TPCN1: variants seen among roughly 807,000 people sequenced by gnomAD.
TPCN1 encodes the protein two pore segment channel 1.
In TPCN1, 52 loss-of-function variants were observed where a neutral mutation model predicts 108.8. That is an observed-to-expected ratio of 0.48 (90% confidence interval 0.38 to 0.60). TPCN1 has a LOEUF of 0.60. Among genes scored for constraint, TPCN1 ranks in the 20% least tolerant of loss-of-function variants. The probability of loss-of-function intolerance (pLI) is 0.00; values close to 1 mark genes in which losing one functional copy is unlikely to be tolerated. For missense variants in TPCN1, 806 were observed against 1,072.8 expected (o/e 0.75, Z 3.47); for synonymous variants, 446 against 433.7 (o/e 1.03, Z -0.35).
chr12:113,254,193 CT>C (rs1954752445), intron 2 of TPCN1, among the ~76,000 whole-genome samples: 1 of 152,218 alleles, frequency 6.6e-6, no homozygotes, highest in Non-Finnish European at 1.5e-5. Context: ...GTAATAAAAA[CT>C]TTCCCAGAAA....
chr12:113,237,547 C>T (rs766389556), intron 2 of TPCN1, among the ~76,000 whole-genome samples: 7 of 152,018 alleles, frequency 4.6e-5, no homozygotes, highest in East Asian at 1.9e-4. Flanking sequence ...TTAGTAGAGA[C>T]GGGGTTTCAC....
chr12:113,277,505 G>A, intron 12 of TPCN1, 141 bp downstream of exon 12: 1 of 1,023,756 alleles, frequency 9.8e-7, no homozygotes, highest in Non-Finnish European at 1.4e-6. Flanking sequence ...TATCCATGTA[G>A]ACTTACACAC....
In TPCN1 at chr12:113,288,394, G is replaced by A. The variant is rs1350207709; in HGVS notation, c.1706+160G>A. 23 of 1,492,790 alleles carry A rather than the reference G, an allele frequency of 1.5e-5. No individual in the cohort carries two copies. The highest frequency in any genetic ancestry group is 2.0e-5 in the Non-Finnish European group (22 of 1,122,952). 92.5% of individuals were successfully genotyped at this position (1,492,790 alleles called of 1,614,324 possible). On this transcript the variant is annotated intron_variant, in intron 20 of 27. Coordinates refer to ENST00000335509, the MANE Select transcript of TPCN1 (RefSeq NM_017901.6). The surrounding 1 kb of genome is among the most constrained non-coding windows in gnomAD (Gnocchi z 4.8). ...GGAGCCTGGAATCTTGACCACCACAGGTCTCCTGGGCACCATTTTTCTCCA... is the reference window on the plus strand; with the variant it reads ...GGAGCCTGGAATCTTGACCACCACAAGTCTCCTGGGCACCATTTTTCTCCA...
chr12:113,240,035 C>T (rs1337527893), intron 2 of TPCN1, among the ~76,000 whole-genome samples: 1 of 152,020 alleles, frequency 6.6e-6, no homozygotes, highest in African/African-American at 2.4e-5. Context: ...CTCGAGGGGC[C>T]TCTCTTCTTG....
At chr12:113,285,766 G>A in intron 17 of TPCN1, 123 bp from the exon 18 acceptor site, 2 of 836,218 alleles carry the variant, frequency 2.4e-6, no homozygotes, top group Non-Finnish European at 4.1e-6. Flanking sequence ...TGAGGCCTGG[G>A]CTCAGCCTGG....
At chr12:113,265,335 C>T (rs746750436) in intron 3 of TPCN1, among the ~76,000 whole-genome samples, 2 of 152,136 alleles carry the variant, frequency 1.3e-5, no homozygotes, top group Non-Finnish European at 2.9e-5. Flanking sequence ...GTTCCTTTAT[C>T]GTTGAAGAAG....
chr12:113,262,968 T>C lies in TPCN1; in HGVS notation c.237+2476T>C, dbSNP rs567893122. Among the ~76,000 whole-genome samples, 10 of 152,338 alleles carry C rather than the reference T, an allele frequency of 6.6e-5. No homozygotes were observed. In the South Asian group the frequency reaches 2.1e-3, roughly 32 times the overall value. ...TTATGAACTGACCTTGTGCATCTCC[T>C]TGAAAATGGGCCATGTACTTGTGGG... On this transcript the variant is annotated intron_variant, in intron 3 of 27. Coordinates refer to ENST00000335509, the MANE Select transcript of TPCN1 (RefSeq NM_017901.6).
In TPCN1 at chr12:113,269,954, T is replaced by G; in HGVS notation, c.748+109T>G. 8.0e-7 allele frequency: 1 copy of G among 1,250,436 alleles called. No individual in the cohort carries two copies. The highest frequency in any genetic ancestry group is 1.3e-5 in the South Asian group (1 of 77,360). The allele number at this position is 1,250,436 out of a possible 1,614,324, so 77.5% of individuals were successfully genotyped here. A position where few individuals can be genotyped will look rare whatever the true frequency, so the allele number is the denominator to read the frequency against. ...GCTCACGCCTGTAATCCTAGCATTT[T>G]GGGAGGCCAAGGTGGGTGGGTAACC... is the stretch of plus-strand genomic sequence containing the variant. On this transcript the variant is annotated intron_variant, in intron 7 of 27. Transcript: ENST00000335509. The surrounding 1 kb of genome is among the most constrained non-coding windows in gnomAD (Gnocchi z 5.0).
At chr12:113,285,732 C>T (rs757869926) in intron 17 of TPCN1, among the ~76,000 whole-genome samples, 157 bp from the exon 18 acceptor site, 35 of 152,218 alleles carry the variant, frequency 2.3e-4, no homozygotes, top group Non-Finnish European at 4.7e-4. Context: ...TCCTGGAGCA[C>T]CTGCTCTCAC....
At position 113,285,962 on chromosome 12, in the gene TPCN1, G is replaced by A; in HGVS notation, c.1526+1G>A. ...AGTACTTGTCTTCCGGATGGAACTT[G>A]TGAGTGGACAGCATGTTTCTGACCC... is the stretch of plus-strand genomic sequence containing the variant. On this transcript the variant is annotated splice_donor_variant, in intron 18 of 27. Coordinates refer to ENST00000335509, the MANE Select transcript of TPCN1 (RefSeq NM_017901.6). LOFTEE classifies it high-confidence loss of function. 2 of 1,613,904 alleles carry A rather than the reference G, an allele frequency of 1.2e-6. No individual in the cohort carries two copies. Among genetic ancestry groups the A allele is most frequent in the Non-Finnish European group, 1.7e-6 (2 of 1,179,742 alleles).
In TPCN1 at chr12:113,271,684, G is replaced by A. The variant is rs545605012; in HGVS notation, c.749-974G>A. On this transcript the variant is annotated intron_variant, in intron 7 of 27. Coordinates refer to ENST00000335509, the MANE Select transcript of TPCN1 (RefSeq NM_017901.6). ...TTGTTTATCTGCTCTTCTGTCGGAC[G>A]TTTTTCTTATCACAAATCCCACCGC... Among the ~76,000 whole-genome samples, 32 of 152,174 alleles carry A rather than the reference G, an allele frequency of 2.1e-4. 1 individual carries two copies. Among genetic ancestry groups the A allele is most frequent in the Non-Finnish European group, 3.8e-4 (26 of 68,040 alleles).
chr12:113,231,833 T>C lies in TPCN1; in HGVS notation c.112+4869T>C, dbSNP rs1953696420. 2.6e-5 allele frequency among the ~76,000 whole-genome samples: 4 copies of C among 152,266 alleles called. No homozygotes were observed. The highest frequency in any genetic ancestry group is 9.6e-5 in the African/African-American group (4 of 41,546). On this transcript the variant is annotated intron_variant, in intron 2 of 27. Coordinates refer to ENST00000335509, the MANE Select transcript of TPCN1 (RefSeq NM_017901.6). The surrounding 1 kb of genome is among the most constrained non-coding windows in gnomAD (Gnocchi z 4.3). ...GCAGAGGTATTTAAAGCCTGGAAAC[T>C]AGGAATAACCTTGAAAACAGTCAGC...
chr12:113,295,960 G>C lies in TPCN1; in HGVS notation c.2335G>C (p.Glu779Gln), dbSNP rs755447605. ...GCACCCCTTCTGCTCTCTTCTCCAG[G>C]AGTGGTATGAGGAGCATGCCAGGGA... ...SLKMYQEEIQ[E>Q]WYEEHAREQE... is the part of the protein sequence containing the mutation. Residue 779 changes from glutamate (E) to glutamine (Q), a missense_variant and splice_region_variant, in exon 28 of 28, where the codon GAG becomes CAG. By Grantham distance (29) the Glu-to-Gln change is conservative (BLOSUM62 2). Transcript: ENST00000335509. 20 of 1,598,688 alleles carry C rather than the reference G, an allele frequency of 1.3e-5. No homozygotes were observed. The South Asian group carries it at 2.1e-4, about 17-fold the overall frequency.
At position 113,231,368 on chromosome 12, in the gene TPCN1, A is replaced by G. The variant is rs1437454537; in HGVS notation, c.112+4404A>G. Among the ~76,000 whole-genome samples, 1 of 152,172 alleles carries G rather than the reference A, an allele frequency of 6.6e-6. No individual in the cohort carries two copies. The highest frequency in any genetic ancestry group is 1.5e-5 in the Non-Finnish European group (1 of 68,022). ...GGTTATCTTCTTGCTGTGTCCCCAC[A>G]TGATTGTCCCTGAGTCTGTGTGTCT... is the stretch of plus-strand genomic sequence containing the variant. On this transcript the variant is annotated intron_variant, in intron 2 of 27. Coordinates refer to ENST00000335509, the MANE Select transcript of TPCN1 (RefSeq NM_017901.6). This position sits in a 1 kb window ranked among gnomAD's most constrained non-coding sequence, Gnocchi z 4.3.
In TPCN1 at chr12:113,293,043, G is replaced by A. The variant is rs769293253; in HGVS notation, c.2223G>A (p.Leu741=). ...RGASSDVTRL[L]ETLSQMERYQ... ...CCTCCTCGGATGTCACCAGGCTGCT[G>A]GAGACCCTCTCCCAGATGGAGAGAT... The change falls in exon 26 of 28, where the codon CTG becomes CTA. Residue 741 remains leucine, a synonymous_variant. Coordinates refer to ENST00000335509, the MANE Select transcript of TPCN1 (RefSeq NM_017901.6). 6.8e-6 allele frequency: 11 copies of A among 1,612,874 alleles called. No individual in the cohort carries two copies. The Admixed American group carries it at 1.8e-4, about 27-fold the overall frequency.
rs948098473 is a variant in TPCN1, at chr12:113,273,341, C to T, written c.842+51C>T. 7.6e-6 allele frequency: 12 copies of T among 1,574,706 alleles called. No homozygotes were observed. Among genetic ancestry groups the T allele is most frequent in the Non-Finnish European group, 1.0e-5 (12 of 1,144,220 alleles). On this transcript the variant is annotated intron_variant, in intron 9 of 27. Transcript: ENST00000335509. The surrounding 1 kb of genome is among the most constrained non-coding windows in gnomAD (Gnocchi z 4.0). ...TGGTCCTCTGCTGCCGCCCTGGGGT[C>T]TCTTTCTCTTTTCTGCCAAGTATAT...
In TPCN1 at chr12:113,273,581, G is replaced by A. The variant is rs766449830; in HGVS notation, c.855G>A (p.Val285=). The A allele has an allele frequency of 3.7e-6, 6 of 1,614,100 alleles. No homozygotes were observed. The South Asian group carries it at 6.6e-5, about 18-fold the overall frequency. ...TCTGCAAATACAGTTTCCCAGATGT[G>A]ATGATGCCCTCCTACTCCCGGAACC... The part of the protein sequence containing the change: ...VLLTTANFPD[V]MMPSYSRNPW... Residue 285 remains valine, a synonymous_variant, in exon 10 of 28, where the codon GTG becomes GTA. Transcript: ENST00000335509. The surrounding 1 kb of genome is among the most constrained non-coding windows in gnomAD (Gnocchi z 4.0).
chr12:113,277,345 A>G lies in TPCN1; in HGVS notation c.1165A>G (p.Asn389Asp). 1 of 1,614,160 alleles carries G rather than the reference A, an allele frequency of 6.2e-7. No individual in the cohort carries two copies. Among genetic ancestry groups the G allele is most frequent in the Non-Finnish European group, 8.5e-7 (1 of 1,180,022 alleles). The part of the protein sequence containing the change: ...RYLTFKALNQ[N>D]NTPLLSLKDF... ...TCTTACCTTCAAGGCCCTGAATCAG[A>G]ACAACACACCCCTGCTCAGGTAAGA... The change falls in exon 12 of 28, where the codon AAC becomes GAC. Residue 389 changes from asparagine (N) to aspartate (D), a missense_variant. Transcript: ENST00000335509.
intron 15 of TPCN1, among the ~76,000 whole-genome samples, chr12:113,281,545 G>C (rs1955885808): frequency 6.6e-6 from 1 of 152,144 alleles, no homozygotes; most frequent in South Asian, 2.1e-4. Context: ...GATTACTGTG[G>C]GTTTTTTTGT....
Sources: allele counts gnomAD v4.1 joint callset (sites outside exome capture counted in the v4.1 genomes callset), GRCh38; gene constraint gnomAD v4.1.1; non-coding constraint Gnocchi (gnomAD v3.1); transcripts MANE v1.5; gene names NCBI Gene and HGNC (gene_info 2026-07-23, HGNC 2026-07-21).